ALK: variants seen among roughly 807,000 people sequenced by gnomAD.
ALK encodes the protein ALK tyrosine kinase receptor.
ALK carries 74 observed loss-of-function variants against 163.1 expected under a neutral mutation model. The ratio of observed to expected loss-of-function variants is 0.45; its 90% CI spans 0.38 to 0.55. The LOEUF (loss-of-function observed/expected upper bound fraction) is 0.55, where lower values mean the gene tolerates loss of function less well. ALK is among the 20% of genes least tolerant of loss of function. The pLI, the probability that ALK is intolerant of heterozygous loss-of-function variation, is 0.00. For missense variants in ALK, 2,063 were observed against 2,105.3 expected (o/e 0.98, Z 0.39); for synonymous variants, 960 against 843.2 (o/e 1.14, Z -2.40).
intron 11 of ALK, among the ~76,000 whole-genome samples, chr2:29,255,997 C>T (rs1282046732): frequency 6.6e-6 from 1 of 152,154 alleles, no homozygotes; most frequent in Non-Finnish European, 1.5e-5. Context: ...GTAGGGTAGA[C>T]ATGAGATCAG....
intron 3 of ALK, among the ~76,000 whole-genome samples, chr2:29,623,180 C>G (rs1676084432): frequency 6.6e-6 from 1 of 152,184 alleles, no homozygotes; most frequent in East Asian, 1.9e-4. Context: ...ATGTTATCAA[C>G]TTTGACCCTG....
At chr2:29,507,548 CT>C (rs1458999309) in intron 4 of ALK, among the ~76,000 whole-genome samples, 5 of 152,160 alleles carry the variant, frequency 3.3e-5, no homozygotes, top group African/African-American at 1.2e-4. Flanking sequence ...CATTTTACCA[CT>C]GTTAAATAAT....
intron 1 of ALK, among the ~76,000 whole-genome samples, chr2:29,773,899 C>G (rs1447859442): frequency 6.6e-6 from 1 of 152,148 alleles, no homozygotes; most frequent in Non-Finnish European, 1.5e-5. Context: ...GGTCTTAGAA[C>G]TGGGATGGTG....
intron 3 of ALK, among the ~76,000 whole-genome samples, chr2:29,538,921 G>A (rs183890033): frequency 2.1e-4 from 32 of 152,022 alleles, no homozygotes; most frequent in African/African-American, 7.0e-4. Flanking sequence ...TACACCTTAC[G>A]TTTTTAACTT....
intron 3 of ALK, among the ~76,000 whole-genome samples, chr2:29,553,422 G>A (rs951390867): frequency 1.3e-5 from 2 of 152,176 alleles, no homozygotes; most frequent in Non-Finnish European, 2.9e-5. Context: ...TCAGTCTCAG[G>A]TATTTTGTTG....
rs80283892 is a variant in ALK at position 29,635,526 on chromosome 2, C to T, written c.952+59324G>A. ...GGAAGAGGCAAGGAAAGAATTCTCC[C>T]CGAGAGCCTCTTGAGGGAGAATGGC... On this transcript the variant is annotated intron_variant, in intron 3 of 28. Transcript: ENST00000389048. Among the ~76,000 whole-genome samples, 363 of 152,278 alleles carry T rather than the reference C, an allele frequency of 2.4e-3. 4 individuals are homozygous for T. The East Asian group carries it at 0.055, about 23-fold the overall frequency.
intron 1 of ALK, among the ~76,000 whole-genome samples, chr2:29,889,190 T>C (rs1201792664): frequency 6.6e-6 from 1 of 151,994 alleles, no homozygotes; most frequent in Non-Finnish European, 1.5e-5. Context: ...TAAATAGAAA[T>C]AAATGTTTCC....
In ALK at chr2:29,838,337, G is replaced by C. The variant is rs958975472; in HGVS notation, c.667+81656C>G. ...AGTGTTGATTATTTTCCCCAAATTT[G>C]ATGAAAAATACAAATCTACAGATCT... On this transcript the variant is annotated intron_variant, in intron 1 of 28. Transcript: ENST00000389048. Among the ~76,000 whole-genome samples the C allele has an allele frequency of 2.6e-5, 4 of 152,158 alleles. No homozygotes were observed. The South Asian group carries it at 6.2e-4, about 24-fold the overall frequency.
intron 4 of ALK, among the ~76,000 whole-genome samples, chr2:29,443,304 T>C (rs1558326168): frequency 6.6e-6 from 1 of 152,114 alleles, no homozygotes. Context: ...TGAGAACCAA[T>C]GAGGAAAACA....
chr2:29,488,810 G>C (rs372497041), intron 4 of ALK, among the ~76,000 whole-genome samples: 2 of 152,218 alleles, frequency 1.3e-5, no homozygotes, highest in African/African-American at 4.8e-5. Flanking sequence ...TTGTTATCAC[G>C]GCCCGGTCTT....
In ALK at chr2:29,228,927, A is replaced by ACCC; in HGVS notation, c.2769_2771dup (p.Gly927dup). 1.8e-6 allele frequency: 1 copy of ACCC among 565,830 alleles called. No individual in the cohort carries two copies. The highest frequency in any genetic ancestry group is 2.8e-6 in the Non-Finnish European group (1 of 361,462). The allele number at this position is 565,830 out of a possible 1,614,324, so 35.1% of individuals were successfully genotyped here. On this transcript the variant is annotated inframe_insertion, in exon 16 of 29. Transcript: ENST00000389048. Reference sequence around the variant, plus strand: ...CTCCACCTGAGGAGCACCCCCCTCCACCCCCTCCGAAACCCCCTCTTGTCT... The same window carrying ACCC: ...CTCCACCTGAGGAGCACCCCCCTCCACCCCCCCCTCCGAAACCCCCTCTTGTCT...
intron 5 of ALK, among the ~76,000 whole-genome samples, chr2:29,339,048 G>T (rs1394566254): frequency 6.6e-6 from 1 of 152,144 alleles, no homozygotes; most frequent in Admixed American, 6.5e-5. Flanking sequence ...TTCAAGACCA[G>T]CCTGGCCAAC....
chr2:29,547,313 G>C (rs113972303), intron 3 of ALK, among the ~76,000 whole-genome samples: 1 of 152,048 alleles, frequency 6.6e-6, no homozygotes, highest in Non-Finnish European at 1.5e-5. Flanking sequence ...TCCATAATAC[G>C]GGGCCAGGCG....
chr2:29,747,548 C>G (rs1422935386), intron 1 of ALK, among the ~76,000 whole-genome samples: 1 of 152,206 alleles, frequency 6.6e-6, no homozygotes, highest in Non-Finnish European at 1.5e-5. Context: ...CCCACCCCAT[C>G]CTGGGAGACA....
chr2:29,409,782 C>T (rs896115896), intron 4 of ALK, among the ~76,000 whole-genome samples: 2 of 152,160 alleles, frequency 1.3e-5, no homozygotes, highest in East Asian at 1.9e-4. Context: ...TTCCCACCTG[C>T]CTTCTTGCTC....
chr2:29,233,317 AT>A (rs576884153), intron 14 of ALK, among the ~76,000 whole-genome samples: 4 of 151,914 alleles, frequency 2.6e-5, no homozygotes, highest in Non-Finnish European at 5.9e-5. Context: ...TAATTTTTAA[AT>A]TTTTTTTGGT....
At chr2:29,368,320 G>C (rs2148291264) in intron 5 of ALK, among the ~76,000 whole-genome samples, 1 of 152,314 alleles carries the variant, frequency 6.6e-6, no homozygotes, top group South Asian at 2.1e-4. Context: ...AAAATAACTT[G>C]TCAAATGGTG....
intron 11 of ALK, among the ~76,000 whole-genome samples, chr2:29,261,357 G>A (rs962816278): frequency 1.1e-4 from 17 of 151,524 alleles, no homozygotes; most frequent in Non-Finnish European, 1.8e-4. Context: ...ATATATGGGT[G>A]TTCTGTGCTT....
intron 1 of ALK, among the ~76,000 whole-genome samples, chr2:29,804,884 T>C (rs1323155135): frequency 6.6e-6 from 1 of 152,206 alleles, no homozygotes; most frequent in African/African-American, 2.4e-5. Flanking sequence ...TGCCCCTAGA[T>C]GTCAAAACAA....
Sources: gnomAD v4.1 joint callset for allele counts (sites outside exome capture counted in the v4.1 genomes callset) on GRCh38, gnomAD v4.1.1 for gene constraint, MANE v1.5 for transcripts, NCBI Gene and HGNC (gene_info 2026-07-23, HGNC 2026-07-21) for gene names.